Variants in RGS9 observed in about 807,000 individuals in gnomAD.
The protein encoded by RGS9 is regulator of G-protein signalling 9.
In RGS9, 78 loss-of-function variants were observed where a neutral mutation model predicts 102.0. The ratio of observed to expected loss-of-function variants is 0.76; its 90% confidence interval spans 0.64 to 0.92. The LOEUF is 0.92. Among genes scored for constraint, RGS9 ranks in the 40% least tolerant of loss-of-function variants. The probability of loss-of-function intolerance (pLI) is 0.00; values close to 1 mark genes in which losing one functional copy is unlikely to be tolerated. For synonymous variants in RGS9, 353 were observed against 318.6 expected (o/e 1.11, Z -1.15); for missense variants, 833 against 866.1 (o/e 0.96, Z 0.48).
At chr17:65,204,787 C>A (rs935005403) in intron 15 of RGS9, among the ~76,000 whole-genome samples, 1 of 152,168 alleles carries the variant, frequency 6.6e-6, no homozygotes, top group African/African-American at 2.4e-5. Context: ...AAGGTGCAGT[C>A]GCTGTGCGAA....
chr17:65,191,376 T>TG (rs1424279941), intron 11 of RGS9, among the ~76,000 whole-genome samples: 2 of 152,012 alleles, frequency 1.3e-5, no homozygotes, highest in South Asian at 2.1e-4. Context: ...AGTTTTTTTT[T>TG]TTGTTGTTGT....
chr17:65,223,553 T>G lies in RGS9; in HGVS notation c.1408-1449T>G, dbSNP rs537623166. On this transcript the variant is annotated intron_variant, in intron 17 of 18. Coordinates refer to ENST00000262406, the MANE Select transcript of RGS9 (RefSeq NM_003835.4). Reference sequence around the variant, plus strand: ...GTGATCTGAAAGCCAGGCCACCCTCTGCAGGAGCCACCTGCTCAGGGACCA... The same window carrying G: ...GTGATCTGAAAGCCAGGCCACCCTCGGCAGGAGCCACCTGCTCAGGGACCA... Among the ~76,000 whole-genome samples, 7 of 152,360 alleles carry G rather than the reference T, an allele frequency of 4.6e-5. No homozygotes were observed. The East Asian group carries it at 1.3e-3, about 29-fold the overall frequency.
At chr17:65,199,813 A>G (rs1396411156) in intron 13 of RGS9, among the ~76,000 whole-genome samples, 5 of 146,220 alleles carry the variant, frequency 3.4e-5, no homozygotes. Context: ...CTTTTTAATG[A>G]CTGCATAATA....
intron 9 of RGS9, among the ~76,000 whole-genome samples, chr17:65,187,227 CA>C (rs1434876411): frequency 1.3e-5 from 2 of 152,154 alleles, no homozygotes; most frequent in Non-Finnish European, 2.9e-5. Flanking sequence ...CTGCATCGGA[CA>C]TTGTGCTAGG....
chr17:65,153,548 T>C (rs750487455), intron 2 of RGS9, 30 bp downstream of exon 2: 9 of 1,557,072 alleles, frequency 5.8e-6, no homozygotes, highest in Non-Finnish European at 8.0e-6. Flanking sequence ...AGTCTTGGCC[T>C]GGAATAGACC....
chr17:65,206,397 C>T (rs775196026), intron 15 of RGS9, among the ~76,000 whole-genome samples: 3 of 152,050 alleles, frequency 2.0e-5, no homozygotes, highest in South Asian at 2.1e-4. Flanking sequence ...ATGTAGTTTT[C>T]GGCTGGGCGC....
chr17:65,191,768 G>A (rs909887132), intron 11 of RGS9, among the ~76,000 whole-genome samples: 28 of 152,182 alleles, frequency 1.8e-4, no homozygotes, highest in Non-Finnish European at 3.4e-4. Flanking sequence ...AATAAAAAAG[G>A]TCTGATTGTC....
chr17:65,227,590 C>T lies in RGS9; in HGVS notation c.*183C>T. 3.9e-6 allele frequency: 3 copies of T among 765,634 alleles called. No homozygotes were observed. The highest frequency in any genetic ancestry group is 6.4e-6 in the Non-Finnish European group (3 of 466,688). The allele number at this position is 765,634 out of a possible 1,614,324, so 47.4% of individuals were successfully genotyped here. A position where few individuals can be genotyped will look rare whatever the true frequency, so the allele number is the denominator to read the frequency against. On this transcript the variant is annotated 3_prime_UTR_variant, in exon 19 of 19. Coordinates refer to ENST00000262406, the MANE Select transcript of RGS9 (RefSeq NM_003835.4). ...GCTCTGGCTGGTTACCAGGGGCCAA[C>T]TCCTTCTCCTCTTCCTGACCCTCCC...
chr17:65,207,964 A>G lies in RGS9; in HGVS notation c.1246A>G (p.Met416Val). The G allele has an allele frequency of 1.2e-6, 2 of 1,613,540 alleles. No individual in the cohort carries two copies. Among genetic ancestry groups the G allele is most frequent in the Non-Finnish European group, 8.5e-7 (1 of 1,179,526 alleles). The change falls in exon 16 of 19, where the codon ATG becomes GTG. Residue 416 changes from methionine (M) to valine (V), a missense_variant. Met to Val is a conservative substitution (Grantham distance 21). This residue lies in a region of RGS9 where 185 missense variants were observed against 248.7 expected (regional missense o/e 0.74). Coordinates refer to ENST00000262406, the MANE Select transcript of RGS9 (RefSeq NM_003835.4). ...RYLKSPIYKD[M>V]LAKAIEPQET... ...TTTAAAATCTCCGATCTATAAGGAC[A>G]TGCTGGCCAAAGCTATTGAACCTCA... is the stretch of plus-strand genomic sequence containing the variant.
intron 1 of RGS9, among the ~76,000 whole-genome samples, chr17:65,143,620 A>G (rs955814372): frequency 7.2e-5 from 11 of 152,046 alleles, no homozygotes; most frequent in South Asian, 2.1e-4. Flanking sequence ...TGTCTCTACC[A>G]AAAATACACA....
At chr17:65,180,367 G>T (rs1911829395) in intron 9 of RGS9, among the ~76,000 whole-genome samples, 1 of 149,584 alleles carries the variant, frequency 6.7e-6, no homozygotes, top group South Asian at 2.1e-4. Context: ...CTTTTTTTTT[G>T]AGACGGAGTC....
chr17:65,154,664 C>G (rs547534412), intron 2 of RGS9, among the ~76,000 whole-genome samples: 2 of 152,278 alleles, frequency 1.3e-5, no homozygotes, highest in East Asian at 3.9e-4. Flanking sequence ...GAGGTGCCTA[C>G]AGAGCATCAT....
At chr17:65,147,542 C>T (rs187324295) in intron 1 of RGS9, among the ~76,000 whole-genome samples, 27 of 151,040 alleles carry the variant, frequency 1.8e-4, no homozygotes, top group African/African-American at 5.4e-4. Flanking sequence ...TTGAATGACC[C>T]GTCACCTTGA....
intron 13 of RGS9, among the ~76,000 whole-genome samples, chr17:65,201,432 C>T (rs1912839703): frequency 6.6e-6 from 1 of 152,178 alleles, no homozygotes; most frequent in African/African-American, 2.4e-5. Context: ...TGAGGGACTG[C>T]AAATGATGGG....
At chr17:65,157,907 T>TTGTGTG (rs1376662384) in intron 2 of RGS9, among the ~76,000 whole-genome samples, 1,606 of 152,030 alleles carry the variant, frequency 0.011, 30 homozygotes, top group African/African-American at 0.037. Flanking sequence ...CGGGTCTGTT[T>TTGTGTG]TGTGTGTGTG....
intron 14 of RGS9, among the ~76,000 whole-genome samples, chr17:65,202,572 C>T (rs1418450827): frequency 1.3e-5 from 2 of 151,970 alleles, no homozygotes; most frequent in Admixed American, 1.3e-4. Flanking sequence ...ATGTCTGGGA[C>T]AGTGAGCGCA....
intron 1 of RGS9, among the ~76,000 whole-genome samples, chr17:65,146,583 C>CAAA (rs545458134): frequency 2.3e-4 from 25 of 110,436 alleles, no homozygotes; most frequent in African/African-American, 7.1e-4. Context: ...AAGACTGTCT[C>CAAA]AAAAAAAAAA....
intron 16 of RGS9, among the ~76,000 whole-genome samples, chr17:65,209,542 C>T (rs1913206734): frequency 1.3e-5 from 2 of 152,232 alleles, no homozygotes; most frequent in Non-Finnish European, 2.9e-5. Flanking sequence ...CTGCCCACTA[C>T]ATCACTTGGA....
Position 65,221,904 on chromosome 17 carries a change from G to A in RGS9, c.1408-3098G>A, listed in dbSNP as rs549822746. Among the ~76,000 whole-genome samples the A allele has an allele frequency of 2.6e-4, 40 of 152,284 alleles. No individual in the cohort carries two copies. In the East Asian group the frequency reaches 5.0e-3, roughly 19 times the overall value. ...TGACTAATCACCTCCCAAAGACCCCGCTTCCTAATACTATCACCTGCAAGG... is the reference window on the plus strand; with the variant it reads ...TGACTAATCACCTCCCAAAGACCCCACTTCCTAATACTATCACCTGCAAGG... On this transcript the variant is annotated intron_variant, in intron 17 of 18. Coordinates refer to ENST00000262406, the MANE Select transcript of RGS9 (RefSeq NM_003835.4).
Sources: gnomAD v4.1 joint callset for allele counts (sites outside exome capture counted in the v4.1 genomes callset) on GRCh38, gnomAD v4.1.1 for gene constraint, gnomAD v4.1.1 regional missense constraint, MANE v1.5 for transcripts, NCBI Gene and HGNC (gene_info 2026-07-23, HGNC 2026-07-21) for gene names.